The following PDE1A variants were observed in gnomAD, a reference collection of about 807,000 sequenced individuals.
The protein encoded by PDE1A is dual specificity calcium/calmodulin-dependent 3',5'-cyclic nucleotide phosphodiesterase 1A.
PDE1A carries 35 observed loss-of-function variants against 61.7 expected under a neutral mutation model. The ratio of observed to expected loss-of-function variants is 0.57; its 90% CI spans 0.43 to 0.75. The LOEUF (loss-of-function observed/expected upper bound fraction) is 0.75, where lower values mean the gene tolerates loss of function less well. Ranked by LOEUF, PDE1A falls within the 30% of genes least tolerant of loss-of-function variation. The pLI, the probability that PDE1A is intolerant of heterozygous loss-of-function variation, is 0.00. For synonymous variants in PDE1A, 232 were observed against 213.2 expected (o/e 1.09, Z -0.77); for missense variants, 597 against 630.6 (o/e 0.95, Z 0.57).
At chr2:182,202,615 T>G (rs951726392) in intron 8 of PDE1A, among the ~76,000 whole-genome samples, 1 of 152,142 alleles carries the variant, frequency 6.6e-6, no homozygotes, top group African/African-American at 2.4e-5. Context: ...CACTCCTCTG[T>G]GCCAAGCTTC....
At chr2:182,191,113 G>T (rs1281105579) in intron 10 of PDE1A, among the ~76,000 whole-genome samples, 4 of 151,950 alleles carry the variant, frequency 2.6e-5, no homozygotes, top group Non-Finnish European at 2.9e-5. Flanking sequence ...AATAGAGAGG[G>T]ATCATCTTTT....
intron 1 of PDE1A, among the ~76,000 whole-genome samples, chr2:182,413,617 C>A (rs1351840566): frequency 6.6e-6 from 1 of 152,150 alleles, no homozygotes; most frequent in East Asian, 1.9e-4. Flanking sequence ...CTAACCTGTT[C>A]CTCTAAGCAA....
chr2:182,201,499 G>A (rs772685622), exon 10 of PDE1A: 1 of 1,614,080 alleles, frequency 6.2e-7, no homozygotes, highest in East Asian at 2.2e-5. Context: ...TCCAGGATTT[G>A]GCTGGGTGGC....
Position 182,188,960 on chromosome 2 carries a change from C to G in PDE1A, c.1207+19G>C. On this transcript the variant is annotated intron_variant, in intron 11 of 13. Transcript: ENST00000351439. ...CAAGCACACACTCACTTTCCACCAC[C>G]ACAAATCATCAGAATTACCTATTTG... is the stretch of plus-strand genomic sequence containing the variant. The G allele has an allele frequency of 6.4e-7, 1 of 1,567,930 alleles. No individual in the cohort carries two copies. Among genetic ancestry groups the G allele is most frequent in the Non-Finnish European group, 8.8e-7 (1 of 1,139,140 alleles).
chr2:182,269,949 C>T (rs1692901422), intron 1 of PDE1A, among the ~76,000 whole-genome samples: 1 of 152,014 alleles, frequency 6.6e-6, no homozygotes, highest in South Asian at 2.1e-4. Flanking sequence ...CTTCATTTTT[C>T]ATCTATTTTA....
chr2:182,639,065 CAGGAAAA>C, the PDE1A span, among the ~76,000 whole-genome samples: 4 of 152,236 alleles, frequency 2.6e-5, no homozygotes, highest in Non-Finnish European at 5.9e-5. Context: ...ACAGAAAGAG[CAGGAAAA>C]CTTACCAAAA....
At chr2:182,350,079 G>C (rs1355132815) in intron 1 of PDE1A, among the ~76,000 whole-genome samples, 1 of 152,024 alleles carries the variant, frequency 6.6e-6, no homozygotes, top group East Asian at 1.9e-4. Flanking sequence ...CCCACCGAGT[G>C]TAACCATTAC....
At chr2:182,684,304 G>A in the PDE1A span, among the ~76,000 whole-genome samples, 1 of 151,964 alleles carries the variant, frequency 6.6e-6, no homozygotes, top group Non-Finnish European at 1.5e-5. Flanking sequence ...TGTACATTGT[G>A]TATTATATAT....
intron 1 of PDE1A, among the ~76,000 whole-genome samples, chr2:182,419,979 T>C (rs974834716): frequency 1.3e-4 from 19 of 151,586 alleles, no homozygotes; most frequent in Admixed American, 1.1e-3. Context: ...GGGGAGCTGA[T>C]ACCCTTACTT....
chr2:182,564,320 GT>G, the PDE1A span, among the ~76,000 whole-genome samples: 1 of 152,118 alleles, frequency 6.6e-6, no homozygotes, highest in South Asian at 2.1e-4. Flanking sequence ...ATGAAGCTTA[GT>G]TTGGCTGGAT....
chr2:182,456,833 C>T (rs1194409980), intron 2 of PDE1A, among the ~76,000 whole-genome samples: 1 of 152,084 alleles, frequency 6.6e-6, no homozygotes, highest in African/African-American at 2.4e-5. Context: ...TCAAATTAGT[C>T]TCTATGCTCC....
At chr2:182,391,314 C>G (rs1447824184) in intron 1 of PDE1A, among the ~76,000 whole-genome samples, 1 of 152,064 alleles carries the variant, frequency 6.6e-6, no homozygotes, top group Non-Finnish European at 1.5e-5. Flanking sequence ...ATGTTGCCAG[C>G]TCTGGGAGTT....
intron 1 of PDE1A, among the ~76,000 whole-genome samples, chr2:182,373,731 A>AT (rs1162972932): frequency 4.6e-5 from 7 of 152,050 alleles, no homozygotes; most frequent in South Asian, 2.1e-4. Flanking sequence ...AAAAATGAAT[A>AT]TTTTTTTTCA....
chr2:182,407,639 C>T (rs1373952246), intron 1 of PDE1A, among the ~76,000 whole-genome samples: 3 of 152,126 alleles, frequency 2.0e-5, no homozygotes, highest in Non-Finnish European at 2.9e-5. Context: ...CCTGGGCCTC[C>T]CACAGTGCTG....
chr2:182,595,473 A>C, the PDE1A span, among the ~76,000 whole-genome samples: 1 of 152,230 alleles, frequency 6.6e-6, no homozygotes. Flanking sequence ...TACACGTCAC[A>C]TTAACTGTGT....
the PDE1A span, among the ~76,000 whole-genome samples, chr2:182,581,820 ATCCACTCGAGGGCAGCT>A: frequency 6.6e-6 from 1 of 152,114 alleles, no homozygotes; most frequent in African/African-American, 2.4e-5. Flanking sequence ...GCTGATCTCA[ATCCACTCGAGGGCAGCT>A]TCCATATTAA....
chr2:182,586,733 G>T, the PDE1A span, among the ~76,000 whole-genome samples: 1 of 152,164 alleles, frequency 6.6e-6, no homozygotes, highest in South Asian at 2.1e-4. Flanking sequence ...ACCCTAGTAG[G>T]CAAGATCAAT....
chr2:182,519,771 T>C (rs1176185512), intron 2 of PDE1A, among the ~76,000 whole-genome samples: 1 of 151,926 alleles, frequency 6.6e-6, no homozygotes. Context: ...CTACCTGTAA[T>C]GGTTCATGAT....
At chr2:182,242,910 C>CAA (rs1690652995) in intron 2 of PDE1A, among the ~76,000 whole-genome samples, 1 of 82,126 alleles carries the variant, frequency 1.2e-5, no homozygotes, top group Non-Finnish European at 2.7e-5. Flanking sequence ...CTCTCTCTCT[C>CAA]TCTCTCTCTC....
Sources: gnomAD v4.1 joint callset for allele counts (sites outside exome capture counted in the v4.1 genomes callset) on GRCh38, gnomAD v4.1.1 for gene constraint, MANE v1.5 for transcripts, NCBI Gene and HGNC (gene_info 2026-07-23, HGNC 2026-07-21) for gene names.